Variants in CTNNA3 observed in about 807,000 individuals in gnomAD.
CTNNA3 encodes the protein catenin alpha-3.
Under a neutral mutation model 95.7 loss-of-function variants are expected in CTNNA3, and 76 were observed. The ratio of observed to expected loss-of-function variants is 0.79; its 90% confidence interval spans 0.66 to 0.96. The LOEUF (loss-of-function observed/expected upper bound fraction) is 0.96, where lower values mean the gene tolerates loss of function less well. Ranked by LOEUF, CTNNA3 falls within the 40% of genes least tolerant of loss-of-function variation. The probability of loss-of-function intolerance (pLI) is 0.00; values close to 1 mark genes in which losing one functional copy is unlikely to be tolerated. For synonymous variants in CTNNA3, 431 were observed against 374.4 expected, an observed-to-expected ratio of 1.15 and a Z score of -1.74; for missense variants, 1,191 against 1,089.8, an observed-to-expected ratio of 1.09 and a Z score of -1.31.
chr10:66,806,241 T>G (rs946513875), intron 7 of CTNNA3, among the ~76,000 whole-genome samples: 9 of 148,298 alleles, frequency 6.1e-5, no homozygotes, highest in Non-Finnish European at 1.0e-4. Context: ...TAGTATTTAC[T>G]GTGTGCCAGA....
chr10:66,874,167 C>T (rs1318105843), intron 7 of CTNNA3, among the ~76,000 whole-genome samples: 1 of 152,092 alleles, frequency 6.6e-6, no homozygotes, highest in Non-Finnish European at 1.5e-5. Flanking sequence ...TACCTTAGAA[C>T]TCCTGCTGTG....
chr10:67,048,380 T>C (rs1854879084), intron 7 of CTNNA3, among the ~76,000 whole-genome samples: 1 of 152,058 alleles, frequency 6.6e-6, no homozygotes, highest in East Asian at 1.9e-4. Flanking sequence ...ATAAATTCCT[T>C]ACATGATGAT....
At chr10:66,125,567 T>C (rs926095246) in intron 13 of CTNNA3, among the ~76,000 whole-genome samples, 3 of 152,166 alleles carry the variant, frequency 2.0e-5, no homozygotes, top group Non-Finnish European at 4.4e-5. Context: ...AGGTAATTCA[T>C]AGAAAACAGA....
At chr10:66,561,844 A>C (rs1012735526) in intron 10 of CTNNA3, among the ~76,000 whole-genome samples, 2 of 152,050 alleles carry the variant, frequency 1.3e-5, no homozygotes, top group African/African-American at 4.8e-5. Context: ...GCATGATCTC[A>C]AATTTCACAT....
chr10:66,513,465 G>A (rs1840732092), intron 11 of CTNNA3, among the ~76,000 whole-genome samples: 1 of 152,196 alleles, frequency 6.6e-6, no homozygotes, highest in Admixed American at 6.5e-5. Context: ...CTCCAGGCAA[G>A]CAGTCCTTGG....
At chr10:67,692,577 C>A (rs1465588354) in intron 1 of CTNNA3, among the ~76,000 whole-genome samples, 2 of 137,300 alleles carry the variant, frequency 1.5e-5, no homozygotes, top group Non-Finnish European at 1.6e-5. Flanking sequence ...TCCCTAATCT[C>A]AAGTACCCAG....
At chr10:66,499,368 G>C (rs1341794904) in intron 11 of CTNNA3, among the ~76,000 whole-genome samples, 1 of 151,988 alleles carries the variant, frequency 6.6e-6, no homozygotes, top group Non-Finnish European at 1.5e-5. Context: ...TAAAAAACTA[G>C]GCTTAACAGT....
intron 5 of CTNNA3, among the ~76,000 whole-genome samples, chr10:67,489,474 G>A (rs1351085548): frequency 6.6e-6 from 1 of 152,100 alleles, no homozygotes; most frequent in Non-Finnish European, 1.5e-5. Flanking sequence ...ACTAGAAGCA[G>A]GTGCTCTTTG....
intron 10 of CTNNA3, among the ~76,000 whole-genome samples, chr10:66,586,288 C>T (rs1442238425): frequency 6.6e-6 from 1 of 152,004 alleles, no homozygotes; most frequent in Admixed American, 6.6e-5. Flanking sequence ...GTGGCTAAAG[C>T]GGGTGGGTAA....
At chr10:66,215,708 T>C (rs1265859136) in intron 13 of CTNNA3, among the ~76,000 whole-genome samples, 1 of 152,162 alleles carries the variant, frequency 6.6e-6, no homozygotes, top group Non-Finnish European at 1.5e-5. Flanking sequence ...AAATTATTAA[T>C]AGCACTAAAT....
chr10:67,628,304 G>A (rs1464254095), intron 2 of CTNNA3, among the ~76,000 whole-genome samples: 1 of 149,578 alleles, frequency 6.7e-6, no homozygotes, highest in Non-Finnish European at 1.5e-5. Flanking sequence ...TATCTTAATA[G>A]GTCTTTTGAG....
At chr10:66,817,025 T>G (rs923761357) in intron 7 of CTNNA3, among the ~76,000 whole-genome samples, 1 of 151,810 alleles carries the variant, frequency 6.6e-6, no homozygotes, top group Admixed American at 6.6e-5. Flanking sequence ...CCTAAAGCAG[T>G]TCTTAAAGGG....
At chr10:66,431,573 A>T (rs35066250) in intron 11 of CTNNA3, among the ~76,000 whole-genome samples, 39,935 of 151,628 alleles carry the variant, frequency 0.26, 5,366 homozygotes, top group South Asian at 0.39. Context: ...GCCATAAAAA[A>T]TGATGAGTTC....
At chr10:67,627,959 A>G (rs1589506555) in intron 2 of CTNNA3, among the ~76,000 whole-genome samples, 1 of 151,880 alleles carries the variant, frequency 6.6e-6, no homozygotes, top group African/African-American at 2.4e-5. Context: ...AAGCAATTTC[A>G]TATAGTTCAG....
chr10:67,188,098 G>A (rs1023354728), intron 6 of CTNNA3, among the ~76,000 whole-genome samples: 7 of 152,188 alleles, frequency 4.6e-5, no homozygotes, highest in Non-Finnish European at 8.8e-5. Flanking sequence ...ACAAAAATAC[G>A]TAACTACAAT....
chr10:66,956,556 A>G (rs1254022004), intron 7 of CTNNA3, among the ~76,000 whole-genome samples: 1 of 152,148 alleles, frequency 6.6e-6, no homozygotes, highest in Non-Finnish European at 1.5e-5. Context: ...GGCAGCTAGT[A>G]AGAGTTGTCA....
chr10:66,538,385 G>T (rs1466167889), intron 10 of CTNNA3, among the ~76,000 whole-genome samples: 8 of 152,146 alleles, frequency 5.3e-5, no homozygotes, highest in African/African-American at 9.7e-5. Context: ...TTCTGGGGAA[G>T]ATATATTTCC....
chr10:67,264,867 C>T (rs1866756733), intron 5 of CTNNA3, among the ~76,000 whole-genome samples: 1 of 152,120 alleles, frequency 6.6e-6, no homozygotes, highest in Non-Finnish European at 1.5e-5. Flanking sequence ...CCGTAATTCA[C>T]CATTTCCAAA....
chr10:67,182,673 T>A (rs571817580), intron 6 of CTNNA3, among the ~76,000 whole-genome samples: 2 of 151,428 alleles, frequency 1.3e-5, no homozygotes, highest in African/African-American at 4.9e-5. Context: ...GCAACAAAAG[T>A]CAAAATTGAC....
Sources: gnomAD v4.1 joint callset for allele counts (sites outside exome capture counted in the v4.1 genomes callset) on GRCh38, gnomAD v4.1.1 for gene constraint, MANE v1.5 for transcripts, NCBI Gene and HGNC (gene_info 2026-07-23, HGNC 2026-07-21) for gene names.